The following NHERF1 variants were observed in gnomAD, a reference collection of about 807,000 sequenced individuals.
NHERF1 encodes Na(+)/H(+) exchange regulatory cofactor NHE-RF1.
At chr17:74,767,923 C>T in the NHERF1 span, 1 of 661,986 alleles carries the variant, frequency 1.5e-6, no homozygotes, top group South Asian at 1.5e-5. Context: ...GTTCCCATCC[C>T]ATCCCTCCAG....
the NHERF1 span, chr17:74,768,538 T>A: frequency 6.2e-7 from 1 of 1,613,456 alleles, no homozygotes; most frequent in East Asian, 2.2e-5. Flanking sequence ...TCCGACCCCA[T>A]CCTAGACTTC....
the NHERF1 span, among the ~76,000 whole-genome samples, chr17:74,750,447 T>C: frequency 3.3e-5 from 5 of 152,076 alleles, no homozygotes; most frequent in Non-Finnish European, 5.9e-5. Flanking sequence ...CAGTTCGGCA[T>C]TAAGGTAGAA....
At chr17:74,759,196 C>G in the NHERF1 span, among the ~76,000 whole-genome samples, 4 of 152,192 alleles carry the variant, frequency 2.6e-5, no homozygotes, top group Non-Finnish European at 4.4e-5. Context: ...CAGCCACCCC[C>G]TCAGGTCCTG....
At chr17:74,750,652 C>T in the NHERF1 span, among the ~76,000 whole-genome samples, 20 of 151,530 alleles carry the variant, frequency 1.3e-4, 1 homozygote, top group African/African-American at 4.6e-4. Flanking sequence ...GAGTTGGGGC[C>T]GATGATCTCC....
the NHERF1 span, chr17:74,748,775 A>G: frequency 3.0e-6 from 4 of 1,338,214 alleles, no homozygotes; most frequent in African/African-American, 4.4e-5. The surrounding 1 kb of genome is among the most constrained non-coding windows in gnomAD (Gnocchi z 4.3). Flanking sequence ...CTGGACGGGA[A>G]GAAGGGCTGG....
At chr17:74,764,874 T>C in the NHERF1 span, among the ~76,000 whole-genome samples, 5 of 152,022 alleles carry the variant, frequency 3.3e-5, no homozygotes, top group African/African-American at 1.2e-4. The surrounding 1 kb of genome is among the most constrained non-coding windows in gnomAD (Gnocchi z 4.9). Context: ...GGACAGTGAG[T>C]GACCCTGTGT....
chr17:74,748,925 C>T, the NHERF1 span: 10 of 1,603,070 alleles, frequency 6.2e-6, no homozygotes, highest in Non-Finnish European at 8.5e-6. The surrounding 1 kb of genome is among the most constrained non-coding windows in gnomAD (Gnocchi z 4.3). Flanking sequence ...CTACGGCTTC[C>T]ACCTGCACGG....
At chr17:74,756,886 G>A in the NHERF1 span, among the ~76,000 whole-genome samples, 2 of 152,348 alleles carry the variant, frequency 1.3e-5, no homozygotes, top group Non-Finnish European at 2.9e-5. Flanking sequence ...TTACTTCAGT[G>A]TTGAGCCCCA....
the NHERF1 span, among the ~76,000 whole-genome samples, chr17:74,756,027 C>T: frequency 6.7e-6 from 1 of 149,130 alleles, no homozygotes; most frequent in Non-Finnish European, 1.5e-5. Context: ...GATCTCGGCT[C>T]ACTGCAAGCT....
chr17:74,768,051 T>C, the NHERF1 span: 4 of 877,786 alleles, frequency 4.6e-6, no homozygotes, highest in Non-Finnish European at 7.9e-6. Context: ...CTACCTCTTC[T>C]CAGTCTGAGG....
chr17:74,753,881 T>A, the NHERF1 span, among the ~76,000 whole-genome samples: 1 of 152,104 alleles, frequency 6.6e-6, no homozygotes, highest in Non-Finnish European at 1.5e-5. Context: ...CCAGGCACGG[T>A]GGCTCACGCC....
the NHERF1 span, among the ~76,000 whole-genome samples, chr17:74,758,894 A>AG: frequency 3.3e-5 from 5 of 152,100 alleles, no homozygotes; most frequent in Non-Finnish European, 5.9e-5. The surrounding 1 kb of genome is among the most constrained non-coding windows in gnomAD (Gnocchi z 4.3). Flanking sequence ...ACAGATCCCC[A>AG]GGGGGGCTGC....
the NHERF1 span, among the ~76,000 whole-genome samples, chr17:74,757,769 G>T: frequency 6.6e-6 from 1 of 152,178 alleles, no homozygotes; most frequent in Non-Finnish European, 1.5e-5. Context: ...GAACAGCCAG[G>T]GTTCCTTCCT....
chr17:74,762,202 A>C, the NHERF1 span: 1 of 1,610,620 alleles, frequency 6.2e-7, no homozygotes, highest in Non-Finnish European at 8.5e-7. The surrounding 1 kb of genome is among the most constrained non-coding windows in gnomAD (Gnocchi z 4.2). Context: ...TTCCTATCTG[A>C]CTGCCCCCAC....
chr17:74,768,669 C>T, the NHERF1 span: 43 of 1,611,410 alleles, frequency 2.7e-5, no homozygotes, highest in East Asian at 8.9e-4. Flanking sequence ...GCCCTGCTGC[C>T]ACCCAGTGAC....
At chr17:74,766,749 C>G in the NHERF1 span, among the ~76,000 whole-genome samples, 1 of 151,772 alleles carries the variant, frequency 6.6e-6, no homozygotes, top group Non-Finnish European at 1.5e-5. Flanking sequence ...GGCCCCATCT[C>G]TATAAAAAAA....
chr17:74,748,796 C>A, the NHERF1 span: 1 of 1,491,902 alleles, frequency 6.7e-7, no homozygotes. This position sits in a 1 kb window ranked among gnomAD's most constrained non-coding sequence, Gnocchi z 4.3. Context: ...GCCGTCCCGT[C>A]CCGTCCCCAT....
chr17:74,762,400 T>C, the NHERF1 span, among the ~76,000 whole-genome samples: 1 of 152,102 alleles, frequency 6.6e-6, no homozygotes. The surrounding 1 kb of genome is among the most constrained non-coding windows in gnomAD (Gnocchi z 4.2). Context: ...TCCACTCCCC[T>C]GGACTCCTCC....
chr17:74,749,957 G>C, the NHERF1 span, among the ~76,000 whole-genome samples: 3 of 152,358 alleles, frequency 2.0e-5, no homozygotes, highest in African/African-American at 7.2e-5. This position sits in a 1 kb window ranked among gnomAD's most constrained non-coding sequence, Gnocchi z 5.6. Context: ...CGGAGTGGTG[G>C]TTCTGCCACC....
Sources: allele counts gnomAD v4.1 joint callset (sites outside exome capture counted in the v4.1 genomes callset), GRCh38; gene constraint gnomAD v4.1.1; non-coding constraint Gnocchi (gnomAD v3.1); transcripts MANE v1.5; gene names NCBI Gene and HGNC (gene_info 2026-07-23, HGNC 2026-07-21).